The following WDPCP variants were observed in gnomAD, a reference collection of about 807,000 sequenced individuals.
WDPCP encodes the protein WD repeat-containing and planar cell polarity effector protein fritz homolog.
A neutral mutation model predicts 93.1 loss-of-function variants in WDPCP; 71 were observed. That is an observed-to-expected ratio of 0.76 (90% confidence interval 0.63 to 0.93). The LOEUF (loss-of-function observed/expected upper bound fraction) is 0.93. Among genes scored for constraint, WDPCP ranks in the 40% least tolerant of loss-of-function variants. WDPCP has a pLI of 0.00. For missense variants in WDPCP, 844 were observed against 887.4 expected (o/e 0.95, Z 0.62); for synonymous variants, 315 against 315.0 (o/e 1.00, Z 0.00).
chr2:63,459,489 C>T (rs1698861365), intron 6 of WDPCP, among the ~76,000 whole-genome samples: 2 of 152,048 alleles, frequency 1.3e-5, no homozygotes. Flanking sequence ...TCATCTCACC[C>T]CAGTTAGAAT....
At chr2:63,626,288 C>G (rs935900379) in intron 3 of WDPCP, among the ~76,000 whole-genome samples, 1 of 152,150 alleles carries the variant, frequency 6.6e-6, no homozygotes, top group East Asian at 1.9e-4. Flanking sequence ...GCAAAGACTT[C>G]ATGACCAAAA....
intron 12 of WDPCP, among the ~76,000 whole-genome samples, chr2:63,369,877 T>C (rs1322036811): frequency 6.6e-6 from 1 of 152,114 alleles, no homozygotes; most frequent in African/African-American, 2.4e-5. Context: ...ACGAACAACA[T>C]AAGCAAAATA....
chr2:63,810,127 C>G (rs1302471977), intron 2 of WDPCP, among the ~76,000 whole-genome samples: 1 of 152,138 alleles, frequency 6.6e-6, no homozygotes, highest in Non-Finnish European at 1.5e-5. Context: ...TGGTGAACTG[C>G]AAACAGAAGT....
At chr2:63,185,323 C>T (rs1385275367) in intron 14 of WDPCP, among the ~76,000 whole-genome samples, 1 of 152,142 alleles carries the variant, frequency 6.6e-6, no homozygotes, top group African/African-American at 2.4e-5. Context: ...CAGTATTATG[C>T]AGATTTTTTC....
upstream of WDPCP, chr2:63,588,713 C>G (rs527630151): frequency 2.4e-5 from 12 of 492,300 alleles, no homozygotes; most frequent in East Asian, 4.2e-4. Flanking sequence ...TCCTTTCCTC[C>G]TGAGCCCAAA....
intron 13 of WDPCP, 96 bp downstream of exon 13, chr2:63,313,152 A>G: frequency 8.5e-7 from 1 of 1,175,080 alleles, no homozygotes; most frequent in Non-Finnish European, 1.3e-6. Context: ...CCTGTGTCTA[A>G]GGCTGCAAAA....
rs142369800 is a variant in WDPCP at position 63,412,243 on chromosome 2, G to A, written c.826-7586C>T. ...GTTTAACATACGCAAGTCAATAAAT[G>A]TGATATACCACATAAACAGAATTAA... On this transcript the variant is annotated intron_variant, in intron 9 of 17. Coordinates refer to ENST00000272321, the MANE Select transcript of WDPCP (RefSeq NM_015910.7). 5.4e-3 allele frequency among the ~76,000 whole-genome samples: 825 copies of A among 152,250 alleles called. 1 individual carries two copies. Among genetic ancestry groups the A allele is most frequent in the Middle Eastern group, 0.044 (13 of 294 alleles).
chr2:63,277,858 G>T (rs989608402), intron 13 of WDPCP, among the ~76,000 whole-genome samples: 2 of 152,174 alleles, frequency 1.3e-5, no homozygotes, highest in Admixed American at 1.3e-4. Flanking sequence ...AAGACAGAAA[G>T]TCAAGAAACA....
intron 3 of WDPCP, chr2:63,607,127 C>G (rs1358069399): frequency 1.3e-6 from 1 of 761,988 alleles, no homozygotes; most frequent in Non-Finnish European, 2.0e-6. Context: ...CTTCTTGGTA[C>G]AGGTTTGTGA....
intron 2 of WDPCP, among the ~76,000 whole-genome samples, chr2:63,760,223 C>G (rs1189178049): frequency 6.6e-6 from 1 of 152,114 alleles, no homozygotes; most frequent in East Asian, 1.9e-4. Context: ...ATAAAGCCCC[C>G]TTCTGAGCAT....
chr2:63,638,854 G>C (rs1465113038), intron 3 of WDPCP, among the ~76,000 whole-genome samples: 1 of 150,904 alleles, frequency 6.6e-6, no homozygotes, highest in Non-Finnish European at 1.5e-5. Flanking sequence ...GAAAACATTA[G>C]TAATGTTGAC....
chr2:63,298,928 C>T (rs1390745312), intron 13 of WDPCP, among the ~76,000 whole-genome samples: 1 of 152,166 alleles, frequency 6.6e-6, no homozygotes, highest in African/African-American at 2.4e-5. Flanking sequence ...GGTATGTGGT[C>T]CCCAATGTCC....
At chr2:63,125,936 C>CTT (rs757992440) in intron 17 of WDPCP, among the ~76,000 whole-genome samples, 7 of 123,166 alleles carry the variant, frequency 5.7e-5, no homozygotes, top group Non-Finnish European at 1.0e-4. Context: ...TTTACACAAG[C>CTT]TTTTTTTTTT....
intron 13 of WDPCP, among the ~76,000 whole-genome samples, chr2:63,290,771 A>G (rs962542800): frequency 2.0e-5 from 3 of 152,172 alleles, no homozygotes; most frequent in African/African-American, 7.2e-5. Flanking sequence ...ATTTGAAGTC[A>G]GTCATAATTC....
chr2:63,729,068 T>A (rs1669525891), intron 2 of WDPCP, among the ~76,000 whole-genome samples: 1 of 152,180 alleles, frequency 6.6e-6, no homozygotes, highest in Non-Finnish European at 1.5e-5. Context: ...TTCTCTTCAA[T>A]ATGAAGGTCC....
intron 12 of WDPCP, among the ~76,000 whole-genome samples, chr2:63,329,496 C>T (rs1687824234): frequency 6.6e-6 from 1 of 151,962 alleles, no homozygotes; most frequent in African/African-American, 2.4e-5. Flanking sequence ...TATTTGAATT[C>T]TATTTAATTC....
intron 2 of WDPCP, among the ~76,000 whole-genome samples, chr2:63,748,486 T>A (rs1206612959): frequency 6.6e-6 from 1 of 152,090 alleles, no homozygotes; most frequent in African/African-American, 2.4e-5. Flanking sequence ...ATTGAGATGA[T>A]CATATAAATT....
chr2:63,718,642 A>G (rs1015586975), intron 2 of WDPCP, among the ~76,000 whole-genome samples: 3 of 151,976 alleles, frequency 2.0e-5, no homozygotes, highest in Admixed American at 6.6e-5. Flanking sequence ...TGTAGATTCT[A>G]TATATTAGCC....
At chr2:63,338,612 A>G (rs1432163328) in intron 12 of WDPCP, among the ~76,000 whole-genome samples, 3 of 134,418 alleles carry the variant, frequency 2.2e-5, no homozygotes, top group Admixed American at 1.5e-4. Context: ...ATATATATAT[A>G]TATATGGATA....
Sources: allele counts gnomAD v4.1 joint callset (sites outside exome capture counted in the v4.1 genomes callset), GRCh38; gene constraint gnomAD v4.1.1; transcripts MANE v1.5; gene names NCBI Gene and HGNC (gene_info 2026-07-23, HGNC 2026-07-21).